LRMDA: variants seen among roughly 807,000 people sequenced by gnomAD.
The protein encoded by LRMDA is leucine rich melanocyte differentiation associated.
A neutral mutation model predicts 29.8 loss-of-function variants in LRMDA; 18 were observed. The observed-to-expected ratio is 0.60, with a 90% confidence interval of 0.42 to 0.90. LRMDA has a LOEUF of 0.90. Among genes scored for constraint, LRMDA ranks in the 40% least tolerant of loss-of-function variants. The pLI is 0.00. For missense variants in LRMDA, 273 were observed against 273.9 expected, an observed-to-expected ratio of 1.00 and a Z score of 0.02; for synonymous variants, 125 against 109.4, an observed-to-expected ratio of 1.14 and a Z score of -0.89.
chr10:76,038,758 A>G (rs1380119608), intron 3 of LRMDA, among the ~76,000 whole-genome samples: 1 of 152,334 alleles, frequency 6.6e-6, no homozygotes, highest in South Asian at 2.1e-4. Flanking sequence ...TTGCCACCCC[A>G]TGAAATGCTT....
At chr10:75,873,911 AG>A (rs1845153569) in intron 2 of LRMDA, among the ~76,000 whole-genome samples, 1 of 152,190 alleles carries the variant, frequency 6.6e-6, no homozygotes, top group Non-Finnish European at 1.5e-5. Flanking sequence ...GGAAGATTCC[AG>A]GTAAGGGTAG....
intron 6 of LRMDA, among the ~76,000 whole-genome samples, chr10:76,554,021 G>A (rs76577288): frequency 9.9e-5 from 15 of 152,206 alleles, no homozygotes; most frequent in Admixed American, 3.3e-4. Context: ...GGGGTCGGGC[G>A]TGCTCCTCCT....
At chr10:76,324,863 A>G (rs571240026) in intron 6 of LRMDA, among the ~76,000 whole-genome samples, 20 of 152,364 alleles carry the variant, frequency 1.3e-4, no homozygotes, top group Middle Eastern at 6.8e-3. Flanking sequence ...ATTAACAGCT[A>G]TAATTTCAAA....
At chr10:75,794,023 C>T (rs1843612303) in intron 2 of LRMDA, among the ~76,000 whole-genome samples, 1 of 152,224 alleles carries the variant, frequency 6.6e-6, no homozygotes, top group African/African-American at 2.4e-5. Context: ...TTCCAATCAA[C>T]TTTTGTTTAC....
chr10:76,206,278 G>A lies in LRMDA; in HGVS notation c.517-118123G>A, dbSNP rs1055815142. Among the ~76,000 whole-genome samples the A allele has an allele frequency of 5.3e-5, 8 of 152,104 alleles. No individual in the cohort carries two copies. The East Asian group carries it at 1.4e-3, about 26-fold the overall frequency. On this transcript the variant is annotated intron_variant, in intron 5 of 6. Coordinates refer to ENST00000611255, the MANE Select transcript of LRMDA (RefSeq NM_001305581.2). Reference sequence around the variant, plus strand: ...GACGTTGTGCTTGTCCCACTGCCTGGAATGCTTTTTCTCTCTTTCCTCACA... The same window carrying A: ...GACGTTGTGCTTGTCCCACTGCCTGAAATGCTTTTTCTCTCTTTCCTCACA...
At chr10:75,943,345 G>T (rs1846426753) in intron 2 of LRMDA, among the ~76,000 whole-genome samples, 1 of 152,120 alleles carries the variant, frequency 6.6e-6, no homozygotes, top group South Asian at 2.1e-4. Flanking sequence ...TGTGATGAAA[G>T]TACTATTCTC....
intron 5 of LRMDA, among the ~76,000 whole-genome samples, chr10:76,215,292 G>T (rs1017573419): frequency 6.6e-6 from 1 of 152,164 alleles, no homozygotes; most frequent in African/African-American, 2.4e-5. Context: ...GACAGAGCAA[G>T]TTTCATTTTG....
chr10:76,313,936 C>T (rs1840660259), intron 5 of LRMDA, among the ~76,000 whole-genome samples: 1 of 151,946 alleles, frequency 6.6e-6, no homozygotes, highest in Non-Finnish European at 1.5e-5. Context: ...TATGTCAGAA[C>T]TTTACTCATT....
At chr10:75,909,590 T>A (rs753153860) in intron 2 of LRMDA, among the ~76,000 whole-genome samples, 1 of 152,262 alleles carries the variant, frequency 6.6e-6, no homozygotes, top group South Asian at 2.1e-4. Context: ...TAGGTGGAAG[T>A]TGAGCTGGTG....
At chr10:75,854,512 G>A (rs1406683509) in intron 2 of LRMDA, among the ~76,000 whole-genome samples, 1 of 151,994 alleles carries the variant, frequency 6.6e-6, no homozygotes, top group Non-Finnish European at 1.5e-5. Flanking sequence ...AGAAACAGTG[G>A]CATATTGAAA....
intron 6 of LRMDA, among the ~76,000 whole-genome samples, chr10:76,352,505 G>A (rs1477464782): frequency 6.6e-6 from 1 of 152,002 alleles, no homozygotes; most frequent in Non-Finnish European, 1.5e-5. Context: ...TGGACATAGC[G>A]ATGACTCACA....
intron 2 of LRMDA, among the ~76,000 whole-genome samples, chr10:75,995,080 G>C (rs1847437655): frequency 6.6e-6 from 1 of 152,134 alleles, no homozygotes; most frequent in Admixed American, 6.5e-5. Flanking sequence ...TTTTCTTGGA[G>C]AGTTAGAATG....
chr10:76,332,087 G>A (rs1431107197), intron 6 of LRMDA, among the ~76,000 whole-genome samples: 1 of 152,146 alleles, frequency 6.6e-6, no homozygotes, highest in African/African-American at 2.4e-5. Flanking sequence ...TACTTTGCAG[G>A]GTCAATAGCT....
intron 2 of LRMDA, among the ~76,000 whole-genome samples, chr10:75,822,462 A>C (rs1324728098): frequency 6.6e-6 from 1 of 152,150 alleles, no homozygotes; most frequent in Admixed American, 6.5e-5. Flanking sequence ...TTAAAAAAAA[A>C]CTTAAAATTA....
intron 2 of LRMDA, among the ~76,000 whole-genome samples, chr10:75,651,888 T>C (rs1841604843): frequency 6.6e-6 from 1 of 152,220 alleles, no homozygotes; most frequent in African/African-American, 2.4e-5. Flanking sequence ...ACTTCTCCAC[T>C]TCCATCACAC....
chr10:75,783,325 C>T (rs1186706784), intron 2 of LRMDA, among the ~76,000 whole-genome samples: 1 of 152,032 alleles, frequency 6.6e-6, no homozygotes, highest in African/African-American at 2.4e-5. Context: ...GAAAGTTGCA[C>T]CATTCTTACT....
intron 6 of LRMDA, among the ~76,000 whole-genome samples, chr10:76,524,801 A>T (rs1031488022): frequency 6.6e-6 from 1 of 152,230 alleles, no homozygotes; most frequent in Non-Finnish European, 1.5e-5. Context: ...TCGCTGGACA[A>T]AAACAGGCTG....
intron 5 of LRMDA, among the ~76,000 whole-genome samples, chr10:76,063,810 T>C (rs1420414756): frequency 6.6e-6 from 1 of 152,172 alleles, no homozygotes; most frequent in Non-Finnish European, 1.5e-5. Flanking sequence ...TACCTTTAGT[T>C]TCTTCCATCT....
rs115527844 is a variant in LRMDA at position 75,617,885 on chromosome 10, C to G, written c.131+179391C>G. ...TAGGGTGGAGTAAGCAGTAGGAGAC[C>G]TGGCGCTACAGAAGACTGACCTTGG... is the stretch of plus-strand genomic sequence containing the variant. On this transcript the variant is annotated intron_variant, in intron 2 of 6. Transcript: ENST00000611255. Among the ~76,000 whole-genome samples the G allele has an allele frequency of 2.5e-3, 382 of 152,296 alleles. 5 individuals carry two copies. Among genetic ancestry groups the G allele is most frequent in the African/African-American group, 9.1e-3 (378 of 41,576 alleles).
Sources: gnomAD v4.1 joint callset for allele counts (sites outside exome capture counted in the v4.1 genomes callset) on GRCh38, gnomAD v4.1.1 for gene constraint, MANE v1.5 for transcripts, NCBI Gene and HGNC (gene_info 2026-07-23, HGNC 2026-07-21) for gene names.